The following NALF2 variants were observed in gnomAD, a reference collection of about 807,000 sequenced individuals.
NALF2 encodes NALCN channel auxiliary factor 2, also known as bB57D9.1 (TED protein).
In NALF2, 1 loss-of-function variant was observed where a neutral mutation model predicts 24.8. That is an observed-to-expected ratio of 0.04 (90% CI 0.01 to 0.19). The LOEUF is 0.19. Among genes scored for constraint, NALF2 ranks in the 10% least tolerant of loss-of-function variants. The pLI is 1.00. For missense variants in NALF2, 458 were observed against 409.6 expected (o/e 1.12, Z -1.02); for synonymous variants, 254 against 189.8 (o/e 1.34, Z -2.78).
At chrX:69,507,401 G>A in intron 1 of NALF2, among the ~76,000 whole-genome samples, 1 of 111,093 alleles carries the variant, frequency 9.0e-6, no homozygotes, top group Non-Finnish European at 1.9e-5. Flanking sequence ...TCCTGCTCTC[G>A]TAACCTAGCA....
intron 1 of NALF2, among the ~76,000 whole-genome samples, chrX:69,513,228 C>T (rs1005920544): frequency 1.8e-5 from 2 of 112,186 alleles, no homozygotes; most frequent in African/African-American, 3.2e-5. Flanking sequence ...GAGACCCTGG[C>T]CTCCACATCC....
At chrX:69,506,820 A>G (rs1930495841) in intron 1 of NALF2, among the ~76,000 whole-genome samples, 1 of 112,724 alleles carries the variant, frequency 8.9e-6, no homozygotes, top group Non-Finnish European at 1.9e-5. Flanking sequence ...ACTGAAGGTT[A>G]GTGCATTCTC....
chrX:69,505,016 G>C lies in NALF2; in HGVS notation c.-267G>C, dbSNP rs1407150748. 6.6e-5 allele frequency among the ~76,000 whole-genome samples: 7 copies of C among 106,639 alleles called. No homozygotes were observed. Among genetic ancestry groups the C allele is most frequent in the Non-Finnish European group, 1.4e-4 (7 of 50,897 alleles). 92.6% of individuals were successfully genotyped at this position (106,639 alleles called of 115,157 possible). ...CCAGTGCCCCGCACCGCCCCCAGCCGGGACGCCGGGCAGCGCCTAGCGGGC... is the reference window on the plus strand; with the variant it reads ...CCAGTGCCCCGCACCGCCCCCAGCCCGGACGCCGGGCAGCGCCTAGCGGGC... On this transcript the variant is annotated 5_prime_UTR_variant, in exon 1 of 3. Transcript: ENST00000252338.
intron 1 of NALF2, among the ~76,000 whole-genome samples, chrX:69,514,053 C>T (rs1436679209): frequency 1.8e-5 from 2 of 110,789 alleles, no homozygotes; most frequent in Admixed American, 1.9e-4. Flanking sequence ...CTTAGCCGGG[C>T]ATGGCGGTGC....
chrX:69,525,595 C>G (rs761250316), intron 1 of NALF2, among the ~76,000 whole-genome samples: 1 of 109,582 alleles, frequency 9.1e-6, no homozygotes, highest in Non-Finnish European at 1.9e-5. Flanking sequence ...TATTCACCCC[C>G]GCTTGTTCTT....
chrX:69,506,656 C>G (rs1021011538), intron 1 of NALF2, among the ~76,000 whole-genome samples: 2 of 113,207 alleles, frequency 1.8e-5, no homozygotes, highest in African/African-American at 6.4e-5. Context: ...GCACACCACA[C>G]ACTTGACCTT....
At chrX:69,516,288 T>A (rs1383237541) in intron 1 of NALF2, among the ~76,000 whole-genome samples, 1 of 111,551 alleles carries the variant, frequency 9.0e-6, no homozygotes, top group Non-Finnish European at 1.9e-5. Context: ...ACTTCTTGGA[T>A]CCAAATTGAG....
Position 69,505,220 on chromosome X carries a change from C to T in NALF2, c.-63C>T. The T allele has an allele frequency of 9.4e-7, 1 of 1,068,170 alleles. No individual in the cohort carries two copies. Among genetic ancestry groups the T allele is most frequent in the Non-Finnish European group, 1.2e-6 (1 of 816,090 alleles). The allele number at this position is 1,068,170 out of a possible 1,213,427, so 88.0% of individuals were successfully genotyped here. On this transcript the variant is annotated 5_prime_UTR_variant, in exon 1 of 3. Transcript: ENST00000252338. ...AGCGCAGAGCGGCGCGCAGCCCGCC[C>T]GCCCCAGACGGCCGTCTGGCCTCGC...
At chrX:69,527,992 G>T (rs913535637) in intron 1 of NALF2, among the ~76,000 whole-genome samples, 16 of 107,156 alleles carry the variant, frequency 1.5e-4, no homozygotes, top group African/African-American at 3.6e-4. Flanking sequence ...GTTTTTTTTT[G>T]TTGTTGTTTT....
chrX:69,520,649 C>T (rs1930721028), intron 1 of NALF2, among the ~76,000 whole-genome samples: 1 of 111,502 alleles, frequency 9.0e-6, no homozygotes, highest in African/African-American at 3.3e-5. Context: ...AACATGACCC[C>T]AAACTGAATT....
At chrX:69,524,189 C>T (rs1276515703) in intron 1 of NALF2, among the ~76,000 whole-genome samples, 1 of 107,572 alleles carries the variant, frequency 9.3e-6, no homozygotes, top group South Asian at 4.3e-4. Context: ...CCTCCTCCCC[C>T]TGGGCAAAGG....
intron 2 of NALF2, 34 bp from the exon 3 acceptor site, chrX:69,529,537 A>G (rs777485712): frequency 3.1e-5 from 37 of 1,179,213 alleles, no homozygotes; most frequent in Non-Finnish European, 4.1e-5. Context: ...CAGCTCCCCG[A>G]GCACCCCACC....
At chrX:69,528,346 T>C (rs1033112738) in intron 1 of NALF2, among the ~76,000 whole-genome samples, 5 of 111,449 alleles carry the variant, frequency 4.5e-5, no homozygotes, top group Non-Finnish European at 7.5e-5. Flanking sequence ...CGGAAGCCAA[T>C]AGGGCAGAGC....
At chrX:69,514,144 C>T (rs759157279) in intron 1 of NALF2, among the ~76,000 whole-genome samples, 16 of 108,315 alleles carry the variant, frequency 1.5e-4, no homozygotes, top group African/African-American at 3.7e-4. Flanking sequence ...GAGCTGAGAT[C>T]GCGTCACTGC....
chrX:69,513,070 G>A (rs758929660), intron 1 of NALF2, among the ~76,000 whole-genome samples: 46 of 111,828 alleles, frequency 4.1e-4, no homozygotes, highest in Non-Finnish European at 7.3e-4. Flanking sequence ...CAAAGGAGAT[G>A]GGAGGACCTG....
chrX:69,510,676 G>A (rs1211032859), intron 1 of NALF2, among the ~76,000 whole-genome samples: 1 of 111,902 alleles, frequency 8.9e-6, no homozygotes, highest in Non-Finnish European at 1.9e-5. Flanking sequence ...GGGAGCCATG[G>A]CAAAGCCTGC....
At chrX:69,528,383 A>G (rs1396739790) in intron 1 of NALF2, among the ~76,000 whole-genome samples, 1 of 111,688 alleles carries the variant, frequency 9.0e-6, no homozygotes, top group Non-Finnish European at 1.9e-5. Context: ...TCAAAGGCAC[A>G]TGTGTTGCCT....
intron 1 of NALF2, among the ~76,000 whole-genome samples, chrX:69,510,486 C>A (rs752519669): frequency 3.6e-4 from 40 of 112,638 alleles, no homozygotes; most frequent in South Asian, 7.4e-4. Flanking sequence ...GCTCAGGGCA[C>A]TGGGTAAAGG....
chrX:69,505,986 C>T lies in NALF2; in HGVS notation c.704C>T (p.Pro235Leu), dbSNP rs1382498820. ...MGDLLAVVAS[P>L]GSGAWEACSN... is the part of the protein sequence containing the mutation. ...GACCTGCTGGCCGTGGTGGCCAGCC[C>T]GGGCTCCGGGGCCTGGGAGGCGTGT... Residue 235 changes from proline (P) to leucine (L), a missense_variant, in exon 1 of 3, where the codon CCG (proline) becomes CTG (leucine). By Grantham distance (98) the Pro-to-Leu change is moderately conservative. Coordinates refer to ENST00000252338, the MANE Select transcript of NALF2 (RefSeq NM_015686.3). 6 of 1,211,405 alleles carry T rather than the reference C, an allele frequency of 5.0e-6. No homozygotes were observed. The highest frequency in any genetic ancestry group is 1.8e-5 in the South Asian group (1 of 56,901).
Sources: allele counts gnomAD v4.1 joint callset (sites outside exome capture counted in the v4.1 genomes callset), GRCh38; gene constraint gnomAD v4.1.1; transcripts MANE v1.5; gene names NCBI Gene and HGNC (gene_info 2026-07-23, HGNC 2026-07-21).